The following BACH2 variants were observed in gnomAD, a reference collection of about 807,000 sequenced individuals.
BACH2 encodes the protein transcription regulator protein BACH2.
A neutral mutation model predicts 61.8 loss-of-function variants in BACH2; 5 were observed. The observed-to-expected ratio is 0.08, with a 90% CI of 0.04 to 0.17. BACH2 has a LOEUF of 0.17. Ranked by LOEUF, BACH2 falls within the 10% of genes least tolerant of loss-of-function variation. BACH2 has a pLI of 1.00. For synonymous variants in BACH2, 446 were observed against 440.1 expected (o/e 1.01, Z -0.17); for missense variants, 824 against 1,091.1 (o/e 0.76, Z 3.45).
At chr6:90,081,729 T>C (rs1202574350) in intron 5 of BACH2, among the ~76,000 whole-genome samples, 2 of 152,208 alleles carry the variant, frequency 1.3e-5, no homozygotes, top group Admixed American at 6.5e-5. Flanking sequence ...AAATCCCTTC[T>C]AGCAGCTAGC....
chr6:90,269,582 G>A (rs1771454521), intron 2 of BACH2, among the ~76,000 whole-genome samples: 2 of 152,246 alleles, frequency 1.3e-5, no homozygotes, highest in Admixed American at 6.5e-5. Flanking sequence ...TCCCACCAAG[G>A]GGTAACCAGC....
At chr6:89,997,308 A>G (rs1408741653) in intron 6 of BACH2, among the ~76,000 whole-genome samples, 3 of 152,182 alleles carry the variant, frequency 2.0e-5, no homozygotes, top group African/African-American at 7.2e-5. Flanking sequence ...AACTCATCCA[A>G]AAAAATCTCC....
At chr6:90,142,752 A>G (rs1784502466) in intron 4 of BACH2, among the ~76,000 whole-genome samples, 1 of 152,226 alleles carries the variant, frequency 6.6e-6, no homozygotes, top group Non-Finnish European at 1.5e-5. Flanking sequence ...CTGGGTAGGA[A>G]GATCATTATA....
At chr6:90,209,761 A>C (rs1271726725) in intron 3 of BACH2, among the ~76,000 whole-genome samples, 3 of 152,164 alleles carry the variant, frequency 2.0e-5, no homozygotes, top group Admixed American at 2.0e-4. Flanking sequence ...CTGATTACGG[A>C]TCCCTTCCTG....
At chr6:90,262,963 C>T (rs1469787278) in intron 2 of BACH2, among the ~76,000 whole-genome samples, 1 of 152,114 alleles carries the variant, frequency 6.6e-6, no homozygotes. Context: ...ACATTAAATG[C>T]TTTTTAAAAT....
intron 4 of BACH2, among the ~76,000 whole-genome samples, chr6:90,198,861 G>T (rs928740642): frequency 6.6e-6 from 1 of 152,172 alleles, no homozygotes; most frequent in African/African-American, 2.4e-5. Context: ...TATCATAGGA[G>T]GGACCTGGTA....
In BACH2 at chr6:89,962,452, G is replaced by A. The variant is rs142699754; in HGVS notation, c.244-10590C>T. On this transcript the variant is annotated intron_variant, in intron 6 of 8. Coordinates refer to ENST00000257749, the MANE Select transcript of BACH2 (RefSeq NM_021813.4). ...CAAAGAGAACCACAAATTCATTTTT[G>A]TTTTCTGTGGTCCTCTTCGAAAGGT... Among the ~76,000 whole-genome samples the A allele has an allele frequency of 3.1e-3, 479 of 152,164 alleles. 2 individuals carry two copies. In the Middle Eastern group the frequency reaches 0.034, roughly 11 times the overall value.
intron 4 of BACH2, among the ~76,000 whole-genome samples, chr6:90,201,653 G>GT (rs1252494822): frequency 6.6e-6 from 1 of 152,156 alleles, no homozygotes; most frequent in Non-Finnish European, 1.5e-5. Context: ...ATTGAAAGAA[G>GT]TTCTGAGGTG....
intron 3 of BACH2, among the ~76,000 whole-genome samples, chr6:90,210,726 C>T (rs80231656): frequency 0.016 from 2,468 of 152,208 alleles, 43 homozygotes; most frequent in East Asian, 0.071. Flanking sequence ...AAACTACAGA[C>T]GTCTTTAAAG....
At chr6:90,169,457 T>C (rs1161474452) in intron 4 of BACH2, among the ~76,000 whole-genome samples, 1 of 152,188 alleles carries the variant, frequency 6.6e-6, no homozygotes, top group African/African-American at 2.4e-5. Flanking sequence ...GTTGGATCAA[T>C]GAAGTCACTG....
At chr6:90,207,429 T>C (rs1249731934) in intron 3 of BACH2, among the ~76,000 whole-genome samples, 1 of 152,230 alleles carries the variant, frequency 6.6e-6, no homozygotes, top group Non-Finnish European at 1.5e-5. Flanking sequence ...AAGGTTAATT[T>C]GTCAAATATT....
intron 4 of BACH2, among the ~76,000 whole-genome samples, chr6:90,097,280 A>T (rs1294966214): frequency 6.6e-6 from 1 of 152,100 alleles, no homozygotes; most frequent in Non-Finnish European, 1.5e-5. Context: ...GATTTTTTTT[A>T]AAAATAGTGA....
intron 5 of BACH2, among the ~76,000 whole-genome samples, chr6:90,015,098 A>G (rs960768452): frequency 1.3e-5 from 2 of 152,054 alleles, no homozygotes; most frequent in African/African-American, 4.8e-5. Context: ...TAGTTTTTAA[A>G]AATATTCCTT....
rs1473047103 is a variant in BACH2 at position 89,951,736 on chromosome 6, A to G, written c.370T>C (p.Ser124Pro). The G allele has an allele frequency of 1.2e-6, 2 of 1,614,212 alleles. No individual in the cohort carries two copies. Among genetic ancestry groups the G allele is most frequent in the Admixed American group, 3.3e-5 (2 of 60,026 alleles). Residue 124 changes from serine (S) to proline (P), a missense_variant, in exon 7 of 9, where the codon TCC (serine) becomes CCC (proline). Around this residue, in one of 8 missense-constraint regions of BACH2, gnomAD observed 107 missense variants for 121.7 expected, o/e 0.88. Transcript: ENST00000257749. This position sits in a 1 kb window ranked among gnomAD's most constrained non-coding sequence, Gnocchi z 6.4. Reference sequence around the variant, plus strand: ...TGGGTCTGCAGGAAGCTGAAGCAGGAGTCCTCCAGGTTGTGCATGCGCAGG... The same window carrying G: ...TGGGTCTGCAGGAAGCTGAAGCAGGGGTCCTCCAGGTTGTGCATGCGCAGG... ...EFLRMHNLED[S>P]CFSFLQTQLL...
intron 5 of BACH2, among the ~76,000 whole-genome samples, chr6:90,014,466 A>ATTTTT (rs1397142525): frequency 1.8e-3 from 91 of 50,896 alleles, no homozygotes; most frequent in Middle Eastern, 0.011. Flanking sequence ...ATATATATAT[A>ATTTTT]TATTTTTTTT....
At chr6:90,239,895 C>A (rs556200963) in intron 3 of BACH2, among the ~76,000 whole-genome samples, 1 of 146,670 alleles carries the variant, frequency 6.8e-6, no homozygotes, top group East Asian at 2.0e-4. Context: ...AAAATTAAAA[C>A]CACATACAAG....
chr6:90,288,149 T>G (rs1772076382), intron 1 of BACH2, among the ~76,000 whole-genome samples: 1 of 152,066 alleles, frequency 6.6e-6, no homozygotes, highest in Non-Finnish European at 1.5e-5. Flanking sequence ...TTAATTTCAT[T>G]TTTTTTTCAG....
intron 4 of BACH2, among the ~76,000 whole-genome samples, chr6:90,161,589 AGT>A (rs1785194398): frequency 1.3e-5 from 2 of 152,260 alleles, no homozygotes; most frequent in Non-Finnish European, 2.9e-5. Context: ...GATTAGGCAT[AGT>A]TAAGCAACTG....
intron 4 of BACH2, among the ~76,000 whole-genome samples, chr6:90,098,206 A>G (rs930248367): frequency 1.3e-5 from 2 of 152,186 alleles, no homozygotes; most frequent in African/African-American, 4.8e-5. Context: ...GGCACAGAAC[A>G]CAAAGAATGT....
Sources: gnomAD v4.1 joint callset for allele counts (sites outside exome capture counted in the v4.1 genomes callset) on GRCh38, gnomAD v4.1.1 for gene constraint, gnomAD v4.1.1 regional missense constraint, Gnocchi (gnomAD v3.1) non-coding constraint, MANE v1.5 for transcripts, NCBI Gene and HGNC (gene_info 2026-07-23, HGNC 2026-07-21) for gene names.